Variants in RBPMS observed in about 807,000 individuals in gnomAD.
RBPMS encodes RNA binding protein, mRNA processing factor.
In RBPMS, 7 loss-of-function variants were observed where a neutral mutation model predicts 26.8. The ratio of observed to expected loss-of-function variants is 0.26; its 90% CI spans 0.15 to 0.49. The LOEUF (loss-of-function observed/expected upper bound fraction) is 0.49, where lower values mean the gene tolerates loss of function less well. Ranked by LOEUF, RBPMS falls within the 20% of genes least tolerant of loss-of-function variation. The probability of loss-of-function intolerance (pLI) is 0.98; values close to 1 mark genes in which losing one functional copy is unlikely to be tolerated. For synonymous variants in RBPMS, 96 were observed against 93.3 expected, an observed-to-expected ratio of 1.03 and a Z score of -0.17; for missense variants, 186 against 250.0, an observed-to-expected ratio of 0.74 and a Z score of 1.73.
At chr8:30,560,898 T>A (rs1303494551) in intron 7 of RBPMS, among the ~76,000 whole-genome samples, 1 of 152,200 alleles carries the variant, frequency 6.6e-6, no homozygotes, top group Non-Finnish European at 1.5e-5. Context: ...GATCCTTGGA[T>A]GAGTATTCAT....
intron 8 of RBPMS, among the ~76,000 whole-genome samples, chr8:30,568,011 C>A (rs948783048): frequency 1.3e-5 from 2 of 152,276 alleles, no homozygotes; most frequent in South Asian, 2.1e-4. Flanking sequence ...TCTCCATGGG[C>A]CCCCAGGGCT....
At chr8:30,420,384 A>G (rs1475566897) in intron 1 of RBPMS, among the ~76,000 whole-genome samples, 1 of 152,266 alleles carries the variant, frequency 6.6e-6, no homozygotes, top group Non-Finnish European at 1.5e-5. Context: ...AAGCTAATCT[A>G]TAAGTCAGCT....
chr8:30,516,212 A>C (rs1397186992), intron 5 of RBPMS, among the ~76,000 whole-genome samples: 1 of 152,074 alleles, frequency 6.6e-6, no homozygotes, highest in African/African-American at 2.4e-5. Context: ...AAACCCAATC[A>C]TTACTAAGAA....
chr8:30,446,794 C>CT (rs1426246915), intron 1 of RBPMS: 27 of 117,484 alleles, frequency 2.3e-4, no homozygotes, highest in African/African-American at 8.2e-4. Context: ...CCACACATGG[C>CT]TTGTGTGTGT....
intron 5 of RBPMS, among the ~76,000 whole-genome samples, chr8:30,519,576 C>T (rs764826054): frequency 7.5e-5 from 11 of 147,088 alleles, no homozygotes; most frequent in Non-Finnish European, 1.6e-4. Flanking sequence ...CTCCGCCTTC[C>T]AGGTTCATGC....
intron 4 of RBPMS, among the ~76,000 whole-genome samples, chr8:30,488,120 T>C (rs1818990082): frequency 6.6e-6 from 1 of 152,162 alleles, no homozygotes; most frequent in African/African-American, 2.4e-5. Context: ...TTCTCCTTTA[T>C]TTGCCTTACA....
At chr8:30,385,345 TG>T (rs1806901877) in intron 1 of RBPMS, 187 bp downstream of exon 1, 1 of 424,078 alleles carries the variant, frequency 2.4e-6, no homozygotes, top group Non-Finnish European at 4.2e-6. Context: ...CACGCGCGTC[TG>T]CGGGCCCCAA....
At chr8:30,555,912 C>CG (rs1272340207) in intron 6 of RBPMS, 8 of 984,686 alleles carry the variant, frequency 8.1e-6, no homozygotes, top group Middle Eastern at 5.2e-4. Context: ...TTGTTCCCCC[C>CG]CACCGGGCCG....
At chr8:30,523,039 TTAA>T (rs1823222296) in intron 5 of RBPMS, among the ~76,000 whole-genome samples, 1 of 152,122 alleles carries the variant, frequency 6.6e-6, no homozygotes, top group Admixed American at 6.5e-5. Context: ...TCCCTCAAAA[TTAA>T]TAATATGAGC....
chr8:30,542,273 A>G (rs1161823776), intron 5 of RBPMS, among the ~76,000 whole-genome samples: 3 of 152,262 alleles, frequency 2.0e-5, no homozygotes, highest in Non-Finnish European at 4.4e-5. Flanking sequence ...ACTAATGGGA[A>G]GTAATGCTTC....
intron 5 of RBPMS, among the ~76,000 whole-genome samples, chr8:30,512,378 T>C (rs1388425415): frequency 6.6e-6 from 1 of 152,210 alleles, no homozygotes; most frequent in East Asian, 1.9e-4. Context: ...AGATAAAACA[T>C]GGCCATACTA....
chr8:30,567,707 C>T (rs374999235), intron 8 of RBPMS, among the ~76,000 whole-genome samples: 4 of 152,140 alleles, frequency 2.6e-5, no homozygotes, highest in Non-Finnish European at 4.4e-5. Flanking sequence ...TGGTAGGCCA[C>T]GGAAGGGCCT....
At chr8:30,426,583 T>A (rs1417912669) in intron 1 of RBPMS, among the ~76,000 whole-genome samples, 2 of 152,156 alleles carry the variant, frequency 1.3e-5, no homozygotes, top group Non-Finnish European at 2.9e-5. Context: ...CTTAAAGGCA[T>A]TGAACAGGCT....
At chr8:30,525,475 T>C (rs556955160) in intron 5 of RBPMS, among the ~76,000 whole-genome samples, 2 of 152,362 alleles carry the variant, frequency 1.3e-5, no homozygotes, top group African/African-American at 4.8e-5. Flanking sequence ...CTACCTGATA[T>C]GGCAAACACA....
At chr8:30,545,493 C>T in intron 6 of RBPMS, 4 of 960,578 alleles carry the variant, frequency 4.2e-6, no homozygotes, top group Non-Finnish European at 5.0e-6. Flanking sequence ...ATTTGTCTTT[C>T]TGCATGTGTA....
At chr8:30,392,878 G>T (rs566121513) in intron 1 of RBPMS, among the ~76,000 whole-genome samples, 2 of 152,312 alleles carry the variant, frequency 1.3e-5, no homozygotes, top group South Asian at 4.1e-4. Flanking sequence ...GGGGTGCAGA[G>T]GAGAGGTCTG....
At chr8:30,487,206 T>G (rs1257493559) in intron 4 of RBPMS, among the ~76,000 whole-genome samples, 1 of 151,718 alleles carries the variant, frequency 6.6e-6, no homozygotes, top group Non-Finnish European at 1.5e-5. Flanking sequence ...GGGCAGCACA[T>G]TTTGGCAGCT....
At chr8:30,419,468 G>GTGTGTGTA (rs1328330942) in intron 1 of RBPMS, among the ~76,000 whole-genome samples, 1 of 151,622 alleles carries the variant, frequency 6.6e-6, no homozygotes, top group Non-Finnish European at 1.5e-5. Flanking sequence ...GTGTGTGTGT[G>GTGTGTGTA]TGTGTGTGTG....
intron 6 of RBPMS, among the ~76,000 whole-genome samples, chr8:30,549,137 A>C (rs1189173654): frequency 6.6e-6 from 1 of 152,228 alleles, no homozygotes; most frequent in Admixed American, 6.5e-5. Context: ...TTGGTCCCAC[A>C]GGGAAACCTG....
Sources: allele counts gnomAD v4.1 joint callset (sites outside exome capture counted in the v4.1 genomes callset), GRCh38; gene constraint gnomAD v4.1.1; transcripts MANE v1.5; gene names NCBI Gene and HGNC (gene_info 2026-07-23, HGNC 2026-07-21).